Variants in ASIC2 observed in about 807,000 individuals in gnomAD.
The protein encoded by ASIC2 is acid-sensing ion channel 2.
ASIC2 carries 25 observed loss-of-function variants against 57.3 expected under a neutral mutation model. That is an observed-to-expected ratio of 0.44 (90% CI 0.32 to 0.61). The LOEUF is 0.61. Among genes scored for constraint, ASIC2 ranks in the 20% least tolerant of loss-of-function variants. ASIC2 has a pLI of 0.06. For missense variants in ASIC2, 641 were observed against 738.1 expected, an observed-to-expected ratio of 0.87 and a Z score of 1.52; for synonymous variants, 319 against 307.5, an observed-to-expected ratio of 1.04 and a Z score of -0.39.
chr17:33,474,693 C>T (rs1291157620), intron 1 of ASIC2, among the ~76,000 whole-genome samples: 1 of 152,154 alleles, frequency 6.6e-6, no homozygotes, highest in Admixed American at 6.5e-5. Flanking sequence ...CTGGCCTGAC[C>T]AGAAGCTCAA....
chr17:33,762,058 G>A (rs1238313922), intron 1 of ASIC2, among the ~76,000 whole-genome samples: 1 of 152,106 alleles, frequency 6.6e-6, no homozygotes, highest in Admixed American at 6.5e-5. Context: ...TAAACTGAAA[G>A]GAGAAATGAG....
At chr17:34,045,676 C>T (rs1432145153) in intron 1 of ASIC2, among the ~76,000 whole-genome samples, 1 of 152,090 alleles carries the variant, frequency 6.6e-6, no homozygotes, top group African/African-American at 2.4e-5. Context: ...AGAGGTGAGG[C>T]CTTAAGGGTC....
At chr17:33,767,742 T>A (rs1051650479) in intron 1 of ASIC2, among the ~76,000 whole-genome samples, 7 of 152,246 alleles carry the variant, frequency 4.6e-5, no homozygotes, top group Non-Finnish European at 8.8e-5. Flanking sequence ...AAGGCCAATT[T>A]ACTTGTAACC....
intron 1 of ASIC2, among the ~76,000 whole-genome samples, chr17:33,877,799 C>G (rs938669815): frequency 2.0e-5 from 3 of 152,220 alleles, no homozygotes; most frequent in Non-Finnish European, 4.4e-5. Context: ...TGAGAACAGA[C>G]AGACTGCCTC....
Position 33,898,220 on chromosome 17 carries a change from C to CTTTTTTTTTTTTTTTT in ASIC2, c.555+257742_555+257757dup, listed in dbSNP as rs771624171. On this transcript the variant is annotated intron_variant, in intron 1 of 9. Transcript: ENST00000359872. ...AAACTGCCCAGAGTTCATGTATAAT[C>CTTTTTTTTTTTTTTTT]TTTTTTTTTTTTTTTTTTTTTTTTT... 1.3e-3 allele frequency among the ~76,000 whole-genome samples: 86 copies of CTTTTTTTTTTTTTTTT among 66,178 alleles called. 26 individuals are homozygous for CTTTTTTTTTTTTTTTT. The highest frequency in any genetic ancestry group is 2.8e-3 in the South Asian group (4 of 1,444). The allele number at this position is 66,178 out of a possible 152,430, so 43.4% of individuals were successfully genotyped here.
chr17:33,841,721 C>T (rs73288607), intron 1 of ASIC2, among the ~76,000 whole-genome samples: 48 of 152,214 alleles, frequency 3.2e-4, no homozygotes, highest in African/African-American at 1.0e-3. Flanking sequence ...TCTGAGTGGT[C>T]GTTATGGGTA....
At chr17:33,889,005 CA>C (rs1301291153) in intron 1 of ASIC2, among the ~76,000 whole-genome samples, 2 of 152,104 alleles carry the variant, frequency 1.3e-5, no homozygotes, top group African/African-American at 4.8e-5. Flanking sequence ...TCAGCAACTG[CA>C]AATCATGTTG....
At chr17:34,151,057 C>G (rs976262559) in intron 1 of ASIC2, among the ~76,000 whole-genome samples, 6 of 146,262 alleles carry the variant, frequency 4.1e-5, no homozygotes, top group Non-Finnish European at 8.9e-5. Flanking sequence ...GAGCTAAGAT[C>G]GCACAACTGC....
chr17:33,476,370 T>A (rs909204960), intron 1 of ASIC2, among the ~76,000 whole-genome samples: 3 of 152,144 alleles, frequency 2.0e-5, no homozygotes, highest in Non-Finnish European at 4.4e-5. Flanking sequence ...ACTGTATGAC[T>A]GTATCACAAC....
chr17:33,551,323 A>G (rs1292504363), intron 1 of ASIC2, among the ~76,000 whole-genome samples: 1 of 151,962 alleles, frequency 6.6e-6, no homozygotes, highest in African/African-American at 2.4e-5. Flanking sequence ...GGAGGGCTAG[A>G]TGAGGTTGCA....
intron 1 of ASIC2, among the ~76,000 whole-genome samples, chr17:33,940,996 T>G (rs1916179848): frequency 6.6e-6 from 1 of 152,212 alleles, no homozygotes; most frequent in Non-Finnish European, 1.5e-5. Context: ...CTAAGTGCGG[T>G]GAAGAACTAT....
At chr17:33,406,103 T>A (rs1028177309) in intron 1 of ASIC2, among the ~76,000 whole-genome samples, 6 of 152,314 alleles carry the variant, frequency 3.9e-5, no homozygotes, top group African/African-American at 1.4e-4. Context: ...ACTCTGGCTC[T>A]GGTGTGCCCC....
chr17:33,687,239 T>C (rs1597835671), intron 1 of ASIC2, among the ~76,000 whole-genome samples: 1 of 152,150 alleles, frequency 6.6e-6, no homozygotes, highest in East Asian at 1.9e-4. Context: ...CATTCTTCAG[T>C]TCATGAACGG....
intron 1 of ASIC2, among the ~76,000 whole-genome samples, chr17:33,474,355 C>T (rs113621922): frequency 1.2e-3 from 186 of 152,044 alleles, no homozygotes; most frequent in African/African-American, 2.1e-3. Context: ...TCACAGAGCA[C>T]GACTCCTTGC....
rs35845015 is a variant in ASIC2 at position 33,037,130 on chromosome 17, C to CAAAA, written c.988-8742_988-8739dup. Among the ~76,000 whole-genome samples, 900 of 125,488 alleles carry CAAAA rather than the reference C, an allele frequency of 7.2e-3. 25 individuals are homozygous for CAAAA. The highest frequency in any genetic ancestry group is 0.053 in the East Asian group (207 of 3,926). 82.3% of individuals were successfully genotyped at this position (125,488 alleles called of 152,430 possible). A position where few individuals can be genotyped will look rare whatever the true frequency, so the allele number is the denominator to read the frequency against. ...AAAAAAAATTAGCCAGGTGTGGTAG[C>CAAAA]AAAAAAAAAAAAAAAAAAGAATTGG... On this transcript the variant is annotated intron_variant, in intron 3 of 9. Transcript: ENST00000225823.
At chr17:33,352,123 C>A (rs542626786) in intron 1 of ASIC2, among the ~76,000 whole-genome samples, 9 of 152,086 alleles carry the variant, frequency 5.9e-5, no homozygotes, top group Non-Finnish European at 1.2e-4. Context: ...ACAAATGCCA[C>A]CCCTCTGAGC....
intron 1 of ASIC2, among the ~76,000 whole-genome samples, chr17:33,672,599 G>T (rs1907673290): frequency 6.6e-6 from 1 of 152,126 alleles, no homozygotes; most frequent in South Asian, 2.1e-4. Flanking sequence ...GGATGGACTT[G>T]GCCCTAATAT....
intron 1 of ASIC2, among the ~76,000 whole-genome samples, chr17:33,287,785 T>G (rs183372590): frequency 3.9e-4 from 59 of 152,282 alleles, no homozygotes; most frequent in African/African-American, 1.4e-3. Flanking sequence ...CCTCTAGAAC[T>G]CCATCTCTCA....
intron 1 of ASIC2, among the ~76,000 whole-genome samples, chr17:34,084,946 G>A (rs1012662154): frequency 7.9e-5 from 12 of 152,330 alleles, no homozygotes; most frequent in East Asian, 3.9e-4. Context: ...GGGCTGAGAC[G>A]ATGGGGTTTT....
Sources: gnomAD v4.1 joint callset for allele counts (sites outside exome capture counted in the v4.1 genomes callset) on GRCh38, gnomAD v4.1.1 for gene constraint, MANE v1.5 for transcripts, NCBI Gene and HGNC (gene_info 2026-07-23, HGNC 2026-07-21) for gene names.